Variants in LAMC3 observed in about 807,000 individuals in gnomAD.
LAMC3 encodes the protein laminin subunit gamma 3.
Under a neutral mutation model 173.8 loss-of-function variants are expected in LAMC3, and 128 were observed. That is an observed-to-expected ratio of 0.74 (90% CI 0.64 to 0.85). The LOEUF (loss-of-function observed/expected upper bound fraction) is 0.85. Among genes scored for constraint, LAMC3 ranks in the 40% least tolerant of loss-of-function variants. LAMC3 has a pLI of 0.00. For synonymous variants in LAMC3, 897 were observed against 909.1 expected (o/e 0.99, Z 0.24); for missense variants, 2,022 against 2,156.0 (o/e 0.94, Z 1.23).
chr9:131,032,163 CTG>C lies in LAMC3; in HGVS notation c.800_801del (p.Val267GlyfsTer35), dbSNP rs770311615. 10 of 1,610,988 alleles carry C rather than the reference CTG, an allele frequency of 6.2e-6. No homozygotes were observed. Among genetic ancestry groups the C allele is most frequent in the East Asian group, 2.2e-5 (1 of 44,730 alleles). On this transcript the variant is annotated frameshift_variant, in exon 3 of 28. Coordinates refer to ENST00000361069, the MANE Select transcript of LAMC3 (RefSeq NM_006059.4). LOFTEE classifies it high-confidence loss of function. ...TACTATTATGCCGTGTCCGACTTCTCTGTGGGCGGCAGGTAGGAGGGAGGAGG... is the reference window on the plus strand; with the variant it reads ...TACTATTATGCCGTGTCCGACTTCTCTGGGCGGCAGGTAGGAGGGAGGAGG...
chr9:131,080,607 AGG>A (rs1201669606), intron 23 of LAMC3, among the ~76,000 whole-genome samples: 1 of 152,202 alleles, frequency 6.6e-6, no homozygotes, highest in Admixed American at 6.5e-5. Flanking sequence ...AGACAGGATA[AGG>A]GGGCTGTCTG....
At chr9:131,073,172 A>C (rs1370546304) in intron 19 of LAMC3, 73 bp from the exon 20 acceptor site, 1 of 1,152,978 alleles carries the variant, frequency 8.7e-7, no homozygotes, top group Non-Finnish European at 1.3e-6. Flanking sequence ...TCTGCCTCAC[A>C]ATTGGACCAG....
Position 131,032,052 on chromosome 9 carries a change from T to A in LAMC3, c.686T>A (p.Val229Asp). 1 of 1,613,806 alleles carries A rather than the reference T, an allele frequency of 6.2e-7. No homozygotes were observed. The highest frequency in any genetic ancestry group is 8.5e-7 in the Non-Finnish European group (1 of 1,179,864). Residue 229 changes from valine (V) to aspartate (D), a missense_variant, in exon 3 of 28, where the codon GTC (valine) becomes GAC (aspartate). Coordinates refer to ENST00000361069, the MANE Select transcript of LAMC3 (RefSeq NM_006059.4). ...FEESPGLQEW[V>D]TSTELLISLD... is the part of the protein sequence containing the mutation. ...CTCTCCCCTCTGCCCCAGGAGTGGG[T>A]CACCAGCACCGAACTCCTCATCTCT...
At position 131,049,011 on chromosome 9, in the gene LAMC3, G is replaced by A; in HGVS notation, c.1520-9G>A. On this transcript the variant is annotated splice_polypyrimidine_tract_variant and intron_variant, in intron 8 of 27. Coordinates refer to ENST00000361069, the MANE Select transcript of LAMC3 (RefSeq NM_006059.4). ...CACTGATCGGGGGGTGTCTGTGTTT[G>A]CTGTCTAGGAGCCGAAGGCTGGTGG... 2 of 1,531,998 alleles carry A rather than the reference G, an allele frequency of 1.3e-6. No individual in the cohort carries two copies. Among genetic ancestry groups the A allele is most frequent in the East Asian group, 2.5e-5 (1 of 40,812 alleles). The allele number at this position is 1,531,998 out of a possible 1,614,324, so 94.9% of individuals were successfully genotyped here.
At chr9:131,046,274 T>C (rs1834156354) in intron 8 of LAMC3, among the ~76,000 whole-genome samples, 1 of 133,712 alleles carries the variant, frequency 7.5e-6, no homozygotes, top group Non-Finnish European at 1.5e-5. Flanking sequence ...ACAGCACAGC[T>C]CACTGCAGCC....
intron 2 of LAMC3, 92 bp from the exon 3 acceptor site, chr9:131,031,953 G>T: frequency 6.2e-7 from 1 of 1,609,172 alleles, no homozygotes; most frequent in South Asian, 1.1e-5. Context: ...AGGAGCTCCC[G>T]GGGCAGCCAG....
At chr9:131,067,529 A>G (rs1829961664) in intron 14 of LAMC3, among the ~76,000 whole-genome samples, 1 of 152,116 alleles carries the variant, frequency 6.6e-6, no homozygotes, top group Non-Finnish European at 1.5e-5. Context: ...CTCCATGGCC[A>G]TGCCTCCCCT....
At chr9:131,022,254 A>AT (rs1400976064) in intron 1 of LAMC3, among the ~76,000 whole-genome samples, 2 of 151,940 alleles carry the variant, frequency 1.3e-5, no homozygotes, top group Admixed American at 1.3e-4. Context: ...ATATATATGT[A>AT]TTTTTTTAAT....
chr9:131,071,012 A>G (rs1394035544), intron 17 of LAMC3, among the ~76,000 whole-genome samples: 3 of 152,314 alleles, frequency 2.0e-5, no homozygotes, highest in Middle Eastern at 3.4e-3. Context: ...GGAGGAATCA[A>G]GCTGGGACAT....
At chr9:131,058,894 GAAAAAAGAA>G (rs1457580808) in intron 12 of LAMC3, among the ~76,000 whole-genome samples, 2,328 of 119,386 alleles carry the variant, frequency 0.019, 74 homozygotes, top group African/African-American at 0.069. Flanking sequence ...GACTCCAGAG[GAAAAAAGAA>G]AAAAAAAAAG....
chr9:131,073,878 C>A lies in LAMC3; in HGVS notation c.3494+557C>A, dbSNP rs369691422. Among the ~76,000 whole-genome samples, 25 of 152,022 alleles carry A rather than the reference C, an allele frequency of 1.6e-4. No homozygotes were observed. In the East Asian group the frequency reaches 3.5e-3, roughly 21 times the overall value. The stretch of plus-strand genomic sequence containing the variant: ...TCTGGGTGTTTCATAGAAGTGGAAT[C>A]AGACAATGTGTTGCCTTTTACAACT... On this transcript the variant is annotated intron_variant, in intron 20 of 27. Coordinates refer to ENST00000361069, the MANE Select transcript of LAMC3 (RefSeq NM_006059.4).
In LAMC3 at chr9:131,015,938, G is replaced by A. The variant is rs144685453; in HGVS notation, c.373+6351G>A. ...CTCCCAAAGTGCTGGGAATACAGGC[G>A]TGAGCCACGGCACCTGACCCATAAC... is the stretch of plus-strand genomic sequence containing the variant. On this transcript the variant is annotated intron_variant, in intron 1 of 27. Coordinates refer to ENST00000361069, the MANE Select transcript of LAMC3 (RefSeq NM_006059.4). 3.8e-3 allele frequency among the ~76,000 whole-genome samples: 585 copies of A among 152,280 alleles called. 3 individuals carry two copies. Among genetic ancestry groups the A allele is most frequent in the Middle Eastern group, 0.014 (4 of 294 alleles).
At chr9:131,046,636 A>G (rs1016322395) in intron 8 of LAMC3, among the ~76,000 whole-genome samples, 1 of 139,138 alleles carries the variant, frequency 7.2e-6, no homozygotes, top group African/African-American at 2.7e-5. Context: ...AAGTGCTGGG[A>G]TTATGAGTGT....
intron 2 of LAMC3, among the ~76,000 whole-genome samples, chr9:131,031,397 C>T (rs1833820336): frequency 6.6e-6 from 1 of 152,170 alleles, no homozygotes; most frequent in African/African-American, 2.4e-5. Context: ...CCAGGCAGAG[C>T]CCAGGGCCAG....
At chr9:131,071,407 G>A (rs1830033278) in intron 17 of LAMC3, 77 bp from the exon 18 acceptor site, 1 of 1,551,504 alleles carries the variant, frequency 6.4e-7, no homozygotes, top group East Asian at 2.2e-5. Flanking sequence ...GAGTGGCAGG[G>A]TAGAAGCCAG....
chr9:131,060,723 A>G (rs1290876898), intron 12 of LAMC3, among the ~76,000 whole-genome samples: 3 of 152,124 alleles, frequency 2.0e-5, no homozygotes, highest in African/African-American at 2.4e-5. Context: ...CTTTGAATGC[A>G]TGGTCTTGTT....
chr9:131,086,791 G>A (rs1002025080), intron 25 of LAMC3, among the ~76,000 whole-genome samples: 1 of 151,742 alleles, frequency 6.6e-6, no homozygotes, highest in Non-Finnish European at 1.5e-5. Context: ...TCCAGAGGCT[G>A]AGACACAAGA....
chr9:131,009,440 C>A lies in LAMC3; in HGVS notation c.226C>A (p.Arg76Ser), dbSNP rs1347242497. The A allele has an allele frequency of 1.3e-6, 2 of 1,545,242 alleles. No individual in the cohort carries two copies. Among genetic ancestry groups the A allele is most frequent in the East Asian group, 2.5e-5 (1 of 40,750 alleles). The change falls in exon 1 of 28, where the codon CGC (arginine) becomes AGC (serine). Residue 76 changes from arginine (R) to serine (S), a missense_variant. By Grantham distance (110) the Arg-to-Ser change is moderately radical. Coordinates refer to ENST00000361069, the MANE Select transcript of LAMC3 (RefSeq NM_006059.4). This position sits in a 1 kb window ranked among gnomAD's most constrained non-coding sequence, Gnocchi z 4.3. Reference protein sequence around the residue: ...GAAGAGAHCQRCDAADPQRHH... With the variant: ...GAAGAGAHCQSCDAADPQRHH... ...CGCGGGCGCGGGGGCTCATTGCCAG[C>A]GCTGCGACGCCGCCGACCCCCAGCG...
At position 131,009,270 on chromosome 9, in the gene LAMC3, G is replaced by A; in HGVS notation, c.56G>A (p.Gly19Asp). Reference sequence around the variant, plus strand: ...GCGCTGCTGGCACCGCGGGCGGCCGGCGCGGGCATGGGCGCGTGCTATGAC... The same window carrying A: ...GCGCTGCTGGCACCGCGGGCGGCCGACGCGGGCATGGGCGCGTGCTATGAC... The part of the protein sequence containing the change: ...GLALLAPRAA[G>D]AGMGACYDGA... Residue 19 changes from glycine to aspartate, a missense_variant, in exon 1 of 28, where the codon GGC (glycine) becomes GAC (aspartate). By Grantham distance (94) the Gly-to-Asp change is moderately conservative. Coordinates refer to ENST00000361069, the MANE Select transcript of LAMC3 (RefSeq NM_006059.4). The surrounding 1 kb of genome is among the most constrained non-coding windows in gnomAD (Gnocchi z 4.3). 1 of 1,315,450 alleles carries A rather than the reference G, an allele frequency of 7.6e-7. No individual in the cohort carries two copies. The highest frequency in any genetic ancestry group is 9.6e-7 in the Non-Finnish European group (1 of 1,037,902). 81.5% of individuals were successfully genotyped at this position (1,315,450 alleles called of 1,614,324 possible).
Sources: gnomAD v4.1 joint callset for allele counts (sites outside exome capture counted in the v4.1 genomes callset) on GRCh38, gnomAD v4.1.1 for gene constraint, Gnocchi (gnomAD v3.1) non-coding constraint, MANE v1.5 for transcripts, NCBI Gene and HGNC (gene_info 2026-07-23, HGNC 2026-07-21) for gene names.